The following ADAM32 variants were observed in gnomAD, a reference collection of about 807,000 sequenced individuals.
The protein encoded by ADAM32 is ADAM metallopeptidase domain 32, also known as disintegrin and metalloproteinase domain-containing protein 32.
ADAM32 carries 89 observed loss-of-function variants against 114.9 expected under a neutral mutation model. The observed-to-expected ratio is 0.77, with a 90% CI of 0.65 to 0.92. The LOEUF (loss-of-function observed/expected upper bound fraction) is 0.92. Ranked by LOEUF, ADAM32 falls within the 40% of genes least tolerant of loss-of-function variation. The probability of loss-of-function intolerance (pLI) is 0.00; values close to 1 mark genes in which losing one functional copy is unlikely to be tolerated. For missense variants in ADAM32, 870 were observed against 932.8 expected (o/e 0.93, Z 0.88); for synonymous variants, 285 against 307.5 (o/e 0.93, Z 0.77).
chr8:39,257,114 T>G, intron 18 of ADAM32, 73 bp from the exon 19 acceptor site: 1 of 1,327,046 alleles, frequency 7.5e-7, no homozygotes, highest in Non-Finnish European at 1.0e-6. Flanking sequence ...TTTTAATGAA[T>G]GTGTTGCAAC....
intron 14 of ADAM32, among the ~76,000 whole-genome samples, chr8:39,227,474 C>A (rs759621537): frequency 6.6e-6 from 1 of 152,060 alleles, no homozygotes; most frequent in Non-Finnish European, 1.5e-5. Flanking sequence ...GAAACAGACT[C>A]GGGGCTGTTA....
intron 3 of ADAM32, among the ~76,000 whole-genome samples, chr8:39,139,962 T>C (rs1046613992): frequency 1.3e-5 from 2 of 152,216 alleles, no homozygotes; most frequent in Non-Finnish European, 1.5e-5. Flanking sequence ...CACTCATGAT[T>C]TGGCTCTCTG....
chr8:39,230,303 C>A (rs1372344788), intron 14 of ADAM32, among the ~76,000 whole-genome samples: 4 of 152,016 alleles, frequency 2.6e-5, no homozygotes, highest in Non-Finnish European at 5.9e-5. Flanking sequence ...TTTTGAAAAC[C>A]AAGACAAGTC....
In ADAM32 at chr8:39,211,240, A is replaced by G. The variant is rs774042035; in HGVS notation, c.1149A>G (p.Pro383=). The G allele has an allele frequency of 6.2e-6, 10 of 1,606,846 alleles. No individual in the cohort carries two copies. The East Asian group carries it at 6.8e-5, about 11-fold the overall frequency. ...NVGVKCLQNK[P]QMQKKSPKPV... is the part of the protein sequence containing the mutation. ...GTGTCAAATGTCTTCAGAATAAGCC[A>G]CAAATGCAAAAAAAATCTCCGAAAC... Residue 383 remains proline, a synonymous_variant, in exon 12 of 25, where the codon CCA becomes CCG. Transcript: ENST00000379907.
intron 6 of ADAM32, chr8:39,157,451 G>A (rs187007000): frequency 1.4e-5 from 5 of 350,916 alleles, no homozygotes; most frequent in African/African-American, 8.6e-5. Flanking sequence ...GGTCTCTTAG[G>A]CTCTGTTCAT....
chr8:39,125,439 T>G (rs1282450307), intron 2 of ADAM32, among the ~76,000 whole-genome samples: 3 of 152,180 alleles, frequency 2.0e-5, no homozygotes, highest in South Asian at 2.1e-4. Context: ...TGGAGAGGAA[T>G]TTTGCCTCAG....
intron 19 of ADAM32, 115 bp from the exon 20 acceptor site, chr8:39,270,761 T>C (rs1458919654): frequency 1.2e-6 from 1 of 805,942 alleles, no homozygotes; most frequent in African/African-American, 1.8e-5. Flanking sequence ...TATTTTATTT[T>C]TTAATAATTA....
At chr8:39,202,201 G>T (rs1410979379) in intron 11 of ADAM32, among the ~76,000 whole-genome samples, 1 of 152,166 alleles carries the variant, frequency 6.6e-6, no homozygotes, top group East Asian at 1.9e-4. Flanking sequence ...CAGAAGGAAG[G>T]ATACCAGCTT....
chr8:39,266,999 C>G (rs1205357029), intron 19 of ADAM32, among the ~76,000 whole-genome samples: 1 of 152,202 alleles, frequency 6.6e-6, no homozygotes, highest in Non-Finnish European at 1.5e-5. Context: ...TTCTCTGTCC[C>G]CTTAAGGTTA....
chr8:39,267,128 G>A (rs1414658685), intron 19 of ADAM32, among the ~76,000 whole-genome samples: 2 of 152,234 alleles, frequency 1.3e-5, no homozygotes, highest in Non-Finnish European at 2.9e-5. Flanking sequence ...ATATGTGCGT[G>A]CAGGCAGGGT....
In ADAM32 at chr8:39,281,136, A is replaced by T; in HGVS notation, c.2280A>T (p.Lys760Asn). 1.5e-6 allele frequency: 2 copies of T among 1,334,144 alleles called. No individual in the cohort carries two copies. Among genetic ancestry groups the T allele is most frequent in the Admixed American group, 2.9e-5 (1 of 34,536 alleles). The allele number at this position is 1,334,144 out of a possible 1,614,324, so 82.6% of individuals were successfully genotyped here. Residue 760 changes from lysine (K) to asparagine (N), a missense_variant and splice_region_variant, in exon 23 of 25, where the codon AAA (lysine) becomes AAT (asparagine). By Grantham distance (94) the Lys-to-Asn change is moderately conservative. Transcript: ENST00000379907. ...SESSSQADTSKSKSEDSAEAY... is the reference protein window; with the variant it reads ...SESSSQADTSNSKSEDSAEAY... ...TATATTGTTTTTAATTTATTTTTAG[A>T]TCCAAATCAGAAGATAGTGCTGAAG...
intron 15 of ADAM32, 108 bp downstream of exon 15, chr8:39,232,243 C>T (rs1809790196): frequency 1.3e-6 from 1 of 774,394 alleles, no homozygotes; most frequent in Admixed American, 3.4e-5. Flanking sequence ...ATTACATGTG[C>T]ATAGGAGTGA....
rs1426011814 is a variant in ADAM32 at position 39,284,788 on chromosome 8, C to T, written c.2358-5C>T. ...GAGCACGTGTTTTTTTGTTCTCTTCCACAGTAACTAGTGATTCCTTCAGAA... is the reference window on the plus strand; with the variant it reads ...GAGCACGTGTTTTTTTGTTCTCTTCTACAGTAACTAGTGATTCCTTCAGAA... On this transcript the variant is annotated splice_polypyrimidine_tract_variant and splice_region_variant and intron_variant, in intron 24 of 24. Transcript: ENST00000379907. The T allele has an allele frequency of 1.1e-5, 18 of 1,613,570 alleles. No homozygotes were observed. Among genetic ancestry groups the T allele is most frequent in the Non-Finnish European group, 1.5e-5 (18 of 1,179,768 alleles).
chr8:39,186,727 A>G (rs542595632), intron 10 of ADAM32, among the ~76,000 whole-genome samples, 182 bp from the exon 11 acceptor site: 2 of 152,308 alleles, frequency 1.3e-5, no homozygotes, highest in African/African-American at 4.8e-5. Flanking sequence ...CATACACTCA[A>G]TGTGCTTCTA....
At chr8:39,234,873 A>T (rs1810015718) in intron 16 of ADAM32, among the ~76,000 whole-genome samples, 2 of 152,228 alleles carry the variant, frequency 1.3e-5, no homozygotes, top group Admixed American at 6.5e-5. Context: ...TTCCTGGGGG[A>T]CTGGGCTCTC....
At position 39,217,202 on chromosome 8, in the gene ADAM32, G is replaced by C. The variant is rs565760980; in HGVS notation, c.1234-4408G>C. 3.8e-4 allele frequency among the ~76,000 whole-genome samples: 58 copies of C among 152,058 alleles called. No homozygotes were observed. In the Middle Eastern group the frequency reaches 0.01, roughly 27 times the overall value. On this transcript the variant is annotated intron_variant, in intron 12 of 24. Coordinates refer to ENST00000379907, the MANE Select transcript of ADAM32 (RefSeq NM_145004.7). ...ATGTCATGCCACTCTCTCCTGACCT[G>C]TAAGGTTTCTGCTGAAAAGTCTGCT...
chr8:39,148,296 A>G (rs1475958014), intron 4 of ADAM32, among the ~76,000 whole-genome samples: 1 of 152,146 alleles, frequency 6.6e-6, no homozygotes, highest in East Asian at 1.9e-4. Flanking sequence ...TATAATAGCT[A>G]TGTTCTCCTT....
At chr8:39,169,698 A>C (rs887655302) in intron 9 of ADAM32, 1 of 385,958 alleles carries the variant, frequency 2.6e-6, no homozygotes, top group African/African-American at 2.0e-5. Flanking sequence ...GATCTATTAG[A>C]TATGTTTCAG....
intron 6 of ADAM32, chr8:39,158,058 G>T: frequency 4.0e-6 from 1 of 252,240 alleles, no homozygotes; most frequent in Non-Finnish European, 7.9e-6. Flanking sequence ...CTTTGCCCTT[G>T]GTCACCCGTT....
Sources: gnomAD v4.1 joint callset for allele counts (sites outside exome capture counted in the v4.1 genomes callset) on GRCh38, gnomAD v4.1.1 for gene constraint, MANE v1.5 for transcripts, NCBI Gene and HGNC (gene_info 2026-07-23, HGNC 2026-07-21) for gene names.